Variants in SLC22A25 observed in about 807,000 individuals in gnomAD.
The protein encoded by SLC22A25 is solute carrier family 22 member 25.
A neutral mutation model predicts 45.9 loss-of-function variants in SLC22A25; 44 were observed. That is an observed-to-expected ratio of 0.96 (90% CI 0.75 to 1.23). SLC22A25 has a LOEUF of 1.23. Ranked by LOEUF, SLC22A25 falls within the 50% of genes most tolerant of loss-of-function variation. The pLI is 0.00. For missense variants in SLC22A25, 800 were observed against 666.4 expected (o/e 1.20, Z -2.21); for synonymous variants, 283 against 238.6 (o/e 1.19, Z -1.72).
At chr11:63,239,282 T>A (rs1016827218) in intron 1 of SLC22A25, among the ~76,000 whole-genome samples, 147 bp from the exon 2 acceptor site, 8 of 152,222 alleles carry the variant, frequency 5.3e-5, no homozygotes, top group African/African-American at 1.7e-4. Context: ...AGGTTACACA[T>A]CTTATTATCA....
intron 7 of SLC22A25, among the ~76,000 whole-genome samples, chr11:63,191,538 ACTGCACCCACTGTC>A (rs1406634625): frequency 6.6e-6 from 1 of 152,006 alleles, no homozygotes; most frequent in African/African-American, 2.4e-5. Context: ...TGCTCAGTGC[ACTGCACCCACTGTC>A]CTGCACCCAC....
intron 5 of SLC22A25, among the ~76,000 whole-genome samples, chr11:63,226,280 C>T (rs764423678): frequency 9.9e-5 from 15 of 152,088 alleles, no homozygotes; most frequent in Non-Finnish European, 1.6e-4. Flanking sequence ...CATACTCGTC[C>T]TTCTTGGGTA....
At chr11:63,193,909 A>G (rs1169038753) in intron 7 of SLC22A25, among the ~76,000 whole-genome samples, 1 of 152,152 alleles carries the variant, frequency 6.6e-6, no homozygotes. Flanking sequence ...GAAGCTAAAA[A>G]CCTTGAAAAA....
intron 9 of SLC22A25, 56 bp from the exon 10 acceptor site, chr11:63,166,314 A>T: frequency 6.3e-7 from 1 of 1,584,834 alleles, no homozygotes. Context: ...TAAATCCTAC[A>T]AATGAGAATA....
chr11:63,179,591 A>T (rs2088245289), intron 9 of SLC22A25, among the ~76,000 whole-genome samples: 1 of 152,120 alleles, frequency 6.6e-6, no homozygotes, highest in Non-Finnish European at 1.5e-5. Flanking sequence ...CCTCTGATGT[A>T]GCAGCTTAAC....
intron 9 of SLC22A25, chr11:63,166,541 A>C (rs2087691591): frequency 8.9e-7 from 1 of 1,123,582 alleles, no homozygotes; most frequent in Non-Finnish European, 1.1e-6. Flanking sequence ...TTAGTATTCT[A>C]AAACCAATGT....
At chr11:63,227,416 C>T (rs966419045) in intron 5 of SLC22A25, among the ~76,000 whole-genome samples, 6 of 152,078 alleles carry the variant, frequency 3.9e-5, no homozygotes, top group Admixed American at 3.3e-4. Context: ...CCCTTCTGGC[C>T]CAGGGTGTGT....
chr11:63,204,079 A>G (rs1235586369), intron 7 of SLC22A25, among the ~76,000 whole-genome samples: 3 of 152,222 alleles, frequency 2.0e-5, no homozygotes, highest in Admixed American at 1.3e-4. Context: ...TTGAAGGAGA[A>G]ATAAAATCCT....
At chr11:63,233,546 C>T (rs1259553178) in intron 3 of SLC22A25, among the ~76,000 whole-genome samples, 2 of 152,110 alleles carry the variant, frequency 1.3e-5, no homozygotes, top group Non-Finnish European at 2.9e-5. Flanking sequence ...ATTAGTCCTG[C>T]TAGCAGTCTA....
At chr11:63,180,189 C>T (rs960431093) in intron 9 of SLC22A25, among the ~76,000 whole-genome samples, 2 of 152,040 alleles carry the variant, frequency 1.3e-5, no homozygotes, top group East Asian at 1.9e-4. Flanking sequence ...TTTCTGTGTG[C>T]GGTTGAGGGG....
chr11:63,205,354 A>G (rs1246750714), intron 7 of SLC22A25, among the ~76,000 whole-genome samples: 1 of 152,182 alleles, frequency 6.6e-6, no homozygotes, highest in South Asian at 2.1e-4. Flanking sequence ...CCTTCAAAAA[A>G]TCAATGAATC....
intron 9 of SLC22A25, among the ~76,000 whole-genome samples, chr11:63,177,989 T>G (rs1446373791): frequency 6.6e-6 from 1 of 150,678 alleles, no homozygotes; most frequent in African/African-American, 2.4e-5. Context: ...TATCCTCCCA[T>G]CTCAGCCTCC....
chr11:63,201,589 T>C (rs1025375552), intron 7 of SLC22A25, among the ~76,000 whole-genome samples: 1 of 152,064 alleles, frequency 6.6e-6, no homozygotes, highest in African/African-American at 2.4e-5. Flanking sequence ...ATTCAGGACA[T>C]AGGCACAGGA....
Position 63,169,585 on chromosome 11 carries a change from AT to A in SLC22A25, c.1071-3328del, listed in dbSNP as rs2087806011. ...AGACAAAGAAGGGCATTACATAATG[AT>A]AAAGGAATCAATGCAACAAGAAGAG... On this transcript the variant is annotated intron_variant, in intron 9 of 11. Transcript: ENST00000306494. Among the ~76,000 whole-genome samples, 4 of 152,256 alleles carry A rather than the reference AT, an allele frequency of 2.6e-5. No homozygotes were observed. The South Asian group carries it at 8.3e-4, about 32-fold the overall frequency.
chr11:63,195,160 C>CT (rs1259357153), intron 7 of SLC22A25, among the ~76,000 whole-genome samples: 7 of 152,066 alleles, frequency 4.6e-5, no homozygotes, highest in Admixed American at 3.3e-4. Flanking sequence ...TAATGGGAGA[C>CT]TTTAACACCC....
Position 63,229,602 on chromosome 11 carries a change from C to T in SLC22A25, c.51G>A (p.Gln17=). The change falls in exon 4 of 12, where the codon CAG becomes CAA. Residue 17 remains glutamine (Q), a synonymous_variant. Coordinates refer to ENST00000306494, the MANE Select transcript of SLC22A25 (RefSeq NM_199352.6). The part of the protein sequence containing the change: ...LDQVGGLGRF[Q]ILQMVFLIMF... ...TTATAAGGAAAACCATCTGAAGGAT[C>T]TGGAATCTCCCCAGGCCTCCAACTT... 2 of 1,612,976 alleles carry T rather than the reference C, an allele frequency of 1.2e-6. No homozygotes were observed. The highest frequency in any genetic ancestry group is 1.1e-5 in the South Asian group (1 of 91,064).
At chr11:63,164,738 T>C in intron 10 of SLC22A25, 104 bp from the exon 11 acceptor site, 1 of 853,934 alleles carries the variant, frequency 1.2e-6, no homozygotes, top group Non-Finnish European at 1.9e-6. Flanking sequence ...TTTCCAGGGG[T>C]AAAATGTACT....
At chr11:63,232,780 T>C (rs916794929) in intron 3 of SLC22A25, among the ~76,000 whole-genome samples, 1 of 152,232 alleles carries the variant, frequency 6.6e-6, no homozygotes, top group Non-Finnish European at 1.5e-5. Context: ...TTGTCATAAA[T>C]AGCTCTTATT....
chr11:63,185,037 C>G (rs10750995), intron 7 of SLC22A25, among the ~76,000 whole-genome samples: 74,747 of 151,922 alleles, frequency 0.49, 18,970 homozygotes, highest in African/African-American at 0.61. Flanking sequence ...CATTGCAGGA[C>G]CTGACAGACA....
Sources: allele counts gnomAD v4.1 joint callset (sites outside exome capture counted in the v4.1 genomes callset), GRCh38; gene constraint gnomAD v4.1.1; transcripts MANE v1.5; gene names NCBI Gene and HGNC (gene_info 2026-07-23, HGNC 2026-07-21).